The following PTPRD variants were observed in gnomAD, a reference collection of about 807,000 sequenced individuals.
PTPRD encodes protein tyrosine phosphatase receptor type D.
Under a neutral mutation model 214.5 loss-of-function variants are expected in PTPRD, and 34 were observed. The observed-to-expected ratio is 0.16, with a 90% CI of 0.12 to 0.21. The LOEUF is 0.21. Among genes scored for constraint, PTPRD ranks in the 10% least tolerant of loss-of-function variants. PTPRD has a pLI of 1.00. For synonymous variants in PTPRD, 1,128 were observed against 845.7 expected (o/e 1.33, Z -5.79); for missense variants, 2,545 against 2,398.7 (o/e 1.06, Z -1.27).
intron 11 of PTPRD, among the ~76,000 whole-genome samples, chr9:8,813,867 C>A (rs1286436793): frequency 2.6e-5 from 4 of 152,210 alleles, no homozygotes; most frequent in African/African-American, 9.6e-5. Flanking sequence ...ATGACAACAT[C>A]GTCTGAGAAG....
chr9:9,015,568 T>A (rs530045311), intron 11 of PTPRD, among the ~76,000 whole-genome samples: 1 of 152,168 alleles, frequency 6.6e-6, no homozygotes, highest in East Asian at 1.9e-4. Context: ...GTCTATGGAG[T>A]AGCCATTCTT....
intron 8 of PTPRD, among the ~76,000 whole-genome samples, chr9:9,534,303 C>G (rs1455829865): frequency 6.6e-6 from 1 of 152,118 alleles, no homozygotes; most frequent in African/African-American, 2.4e-5. Flanking sequence ...AATGAGGACA[C>G]AGTAGTCACA....
In PTPRD at chr9:8,317,111, T is replaced by TAATA. The variant is rs1032780111; in HGVS notation, c.*759_*762dup. 4.4e-6 allele frequency: 1 copy of TAATA among 229,732 alleles called. No individual in the cohort carries two copies. Among genetic ancestry groups the TAATA allele is most frequent in the Non-Finnish European group, 8.6e-6 (1 of 116,548 alleles). The allele number at this position is 229,732 out of a possible 1,614,324, so 14.2% of individuals were successfully genotyped here. ...ACCAATCAAAACTGAAGTGTAAAATTAATATATCTGACGAGACTGATACTG... is the reference window on the plus strand; with the variant it reads ...ACCAATCAAAACTGAAGTGTAAAATTAATAAATATATCTGACGAGACTGATACTG... On this transcript the variant is annotated 3_prime_UTR_variant, in exon 46 of 46. Coordinates refer to ENST00000381196, the MANE Select transcript of PTPRD (RefSeq NM_002839.4).
intron 7 of PTPRD, among the ~76,000 whole-genome samples, chr9:9,727,311 C>T (rs543319055): frequency 9.2e-5 from 14 of 151,984 alleles, no homozygotes; most frequent in African/African-American, 3.4e-4. Context: ...GTTAGCCAGG[C>T]GTGATGGCAC....
chr9:9,670,944 C>T (rs1368085735), intron 7 of PTPRD, among the ~76,000 whole-genome samples: 1 of 152,046 alleles, frequency 6.6e-6, no homozygotes, highest in Admixed American at 6.6e-5. Context: ...AGTCTCTACT[C>T]GTAGTGGAGT....
At chr9:8,785,274 A>G (rs1312915419) in intron 11 of PTPRD, among the ~76,000 whole-genome samples, 2 of 152,238 alleles carry the variant, frequency 1.3e-5, no homozygotes, top group African/African-American at 4.8e-5. Context: ...AGAGAAACCC[A>G]GTCATACCGG....
chr9:9,476,047 G>C (rs2095013902), intron 8 of PTPRD, among the ~76,000 whole-genome samples: 2 of 151,950 alleles, frequency 1.3e-5, no homozygotes, highest in Non-Finnish European at 2.9e-5. Context: ...TATTAAAAGG[G>C]CCATTTATGA....
intron 9 of PTPRD, among the ~76,000 whole-genome samples, chr9:9,381,695 T>G (rs1286022491): frequency 7.2e-6 from 1 of 139,124 alleles, no homozygotes; most frequent in Non-Finnish European, 1.6e-5. Flanking sequence ...TGTTGTTTTG[T>G]TTTTTGTTTT....
intron 7 of PTPRD, among the ~76,000 whole-genome samples, chr9:9,693,280 G>C (rs1476235523): frequency 1.3e-5 from 2 of 152,092 alleles, no homozygotes; most frequent in Non-Finnish European, 1.5e-5. Flanking sequence ...AATCTGGTGA[G>C]AAGTGACTGG....
intron 3 of PTPRD, among the ~76,000 whole-genome samples, chr9:10,308,849 T>C (rs1255741811): frequency 6.6e-6 from 1 of 152,066 alleles, no homozygotes; most frequent in African/African-American, 2.4e-5. Context: ...AGAATTGTGT[T>C]AACCGGTTTT....
At chr9:8,603,691 T>C (rs1444096458) in intron 14 of PTPRD, among the ~76,000 whole-genome samples, 1 of 152,164 alleles carries the variant, frequency 6.6e-6, no homozygotes, top group African/African-American at 2.4e-5. Flanking sequence ...TAAGGGAAGT[T>C]GATGAAAAGT....
intron 5 of PTPRD, among the ~76,000 whole-genome samples, chr9:9,922,536 A>C (rs780988115): frequency 6.6e-6 from 1 of 152,106 alleles, no homozygotes; most frequent in Non-Finnish European, 1.5e-5. Flanking sequence ...TGAGACCTAC[A>C]GTAACAACTA....
At chr9:8,344,457 T>C (rs7042854) in intron 39 of PTPRD, among the ~76,000 whole-genome samples, 29,443 of 151,640 alleles carry the variant, frequency 0.19, 3,528 homozygotes, top group East Asian at 0.35. Flanking sequence ...TGGTGATTTT[T>C]TTTTTCCAAA....
At chr9:9,527,349 T>G (rs1439631120) in intron 8 of PTPRD, among the ~76,000 whole-genome samples, 1 of 152,136 alleles carries the variant, frequency 6.6e-6, no homozygotes, top group East Asian at 1.9e-4. Flanking sequence ...AATAAGAAGT[T>G]TAAAATGCTC....
intron 3 of PTPRD, among the ~76,000 whole-genome samples, chr9:10,249,257 TG>T (rs2092545104): frequency 6.6e-6 from 1 of 152,166 alleles, no homozygotes; most frequent in South Asian, 2.1e-4. Flanking sequence ...GTTCACCTTG[TG>T]AAAAGTAAAC....
At chr9:8,976,768 C>T (rs538702714) in intron 11 of PTPRD, among the ~76,000 whole-genome samples, 26 of 152,130 alleles carry the variant, frequency 1.7e-4, no homozygotes, top group African/African-American at 5.1e-4. Context: ...CTCAGAGTAA[C>T]GTAATTGGAG....
intron 3 of PTPRD, among the ~76,000 whole-genome samples, chr9:10,158,003 T>TTTTGTTTGTTTG (rs71485324): frequency 0.17 from 25,095 of 150,984 alleles, 2,433 homozygotes; most frequent in Admixed American, 0.29. Flanking sequence ...GTTTATGGTT[T>TTTTGTTTGTTTG]TTTGTTTGTT....
intron 11 of PTPRD, among the ~76,000 whole-genome samples, chr9:8,912,970 AATG>A (rs774029578): frequency 1.1e-4 from 17 of 152,120 alleles, no homozygotes; most frequent in Non-Finnish European, 1.9e-4. Flanking sequence ...TGTTAATTAT[AATG>A]ATGATGATTC....
At chr9:9,129,043 A>G (rs1050978092) in intron 10 of PTPRD, among the ~76,000 whole-genome samples, 4 of 152,230 alleles carry the variant, frequency 2.6e-5, no homozygotes, top group Non-Finnish European at 5.9e-5. Flanking sequence ...CACATCAACC[A>G]CATTTAGTGA....
Sources: gnomAD v4.1 joint callset for allele counts (sites outside exome capture counted in the v4.1 genomes callset) on GRCh38, gnomAD v4.1.1 for gene constraint, MANE v1.5 for transcripts, NCBI Gene and HGNC (gene_info 2026-07-23, HGNC 2026-07-21) for gene names.